COL27A1: variants seen among roughly 807,000 people sequenced by gnomAD.
The protein encoded by COL27A1 is collagen type XXVII alpha 1 chain.
In COL27A1, 106 loss-of-function variants were observed where a neutral mutation model predicts 251.3. That is an observed-to-expected ratio of 0.42 (90% confidence interval 0.36 to 0.50). The LOEUF is 0.50. Ranked by LOEUF, COL27A1 falls within the 20% of genes least tolerant of loss-of-function variation. The pLI, the probability that COL27A1 is intolerant of heterozygous loss-of-function variation, is 0.00. For synonymous variants in COL27A1, 1,000 were observed against 986.3 expected (o/e 1.01, Z -0.26); for missense variants, 2,325 against 2,522.8 (o/e 0.92, Z 1.68).
chr9:114,274,231 A>G (rs552345302), intron 36 of COL27A1: 1 of 129,170 alleles, frequency 7.7e-6, no homozygotes, highest in East Asian at 2.1e-4. Flanking sequence ...AGATCCGTCT[A>G]AAAAAAAAAA....
chr9:114,250,566 G>A (rs1290225004), intron 24 of COL27A1, 49 bp from the exon 25 acceptor site: 2 of 1,564,758 alleles, frequency 1.3e-6, no homozygotes, highest in Admixed American at 3.3e-5. Flanking sequence ...GGAGGGCTGG[G>A]TCCCCGGATT....
intron 1 of COL27A1, among the ~76,000 whole-genome samples, chr9:114,157,636 T>A (rs1420642275): frequency 6.6e-6 from 1 of 152,236 alleles, no homozygotes; most frequent in Non-Finnish European, 1.5e-5. Flanking sequence ...GATACCCACA[T>A]GCCTGGCTTG....
intron 54 of COL27A1, 39 bp from the exon 55 acceptor site, chr9:114,301,643 T>G (rs762836735): frequency 1.3e-6 from 2 of 1,583,568 alleles, no homozygotes; most frequent in Admixed American, 3.6e-5. Context: ...ATGAAGACCC[T>G]GTGGACCAGG....
intron 14 of COL27A1, among the ~76,000 whole-genome samples, chr9:114,225,257 C>T (rs1456723311): frequency 2.6e-5 from 4 of 152,216 alleles, no homozygotes; most frequent in Non-Finnish European, 5.9e-5. Flanking sequence ...TAGTCCAGGG[C>T]ACTCCTCTTT....
chr9:114,206,529 G>A (rs1225700567), intron 10 of COL27A1, among the ~76,000 whole-genome samples: 1 of 152,216 alleles, frequency 6.6e-6, no homozygotes, highest in Non-Finnish European at 1.5e-5. Context: ...CTCTGCTGGG[G>A]GTTTGGCCAC....
chr9:114,242,106 C>T (rs1179850544), intron 21 of COL27A1, 81 bp from the exon 22 acceptor site: 18 of 1,260,744 alleles, frequency 1.4e-5, no homozygotes, highest in Non-Finnish European at 1.6e-5. Flanking sequence ...CATCCCTTTC[C>T]CTCCATACAG....
chr9:114,294,082 C>CAA (rs57583693), intron 49 of COL27A1, among the ~76,000 whole-genome samples: 42 of 136,832 alleles, frequency 3.1e-4, no homozygotes, highest in African/African-American at 9.9e-4. Flanking sequence ...ACTAACAATA[C>CAA]AAAAAAAAAA....
At chr9:114,197,804 C>CA (rs1829260086) in intron 7 of COL27A1, among the ~76,000 whole-genome samples, 19 of 152,250 alleles carry the variant, frequency 1.2e-4, no homozygotes, top group African/African-American at 3.6e-4. Context: ...CCCCTCTGGC[C>CA]CTGGCCTAGA....
chr9:114,188,167 G>A (rs1441450219), intron 5 of COL27A1, among the ~76,000 whole-genome samples: 1 of 152,246 alleles, frequency 6.6e-6, no homozygotes, highest in Non-Finnish European at 1.5e-5. Flanking sequence ...ACGGTTCAGA[G>A]GCAATTCTGC....
Position 114,264,491 on chromosome 9 carries a change from C to T in COL27A1, c.3249+83C>T, listed in dbSNP as rs1020567881. On this transcript the variant is annotated intron_variant, in intron 29 of 60. Coordinates refer to ENST00000356083, the MANE Select transcript of COL27A1 (RefSeq NM_032888.4). ...GAACAAGGCTCACAGCTCCTCAGAACAATGCCCCTTAGGGACAACAAAGGG... is the reference window on the plus strand; with the variant it reads ...GAACAAGGCTCACAGCTCCTCAGAATAATGCCCCTTAGGGACAACAAAGGG... The T allele has an allele frequency of 1.1e-5, 12 of 1,141,650 alleles. No homozygotes were observed. The African/African-American group carries it at 1.4e-4, about 13-fold the overall frequency. The allele number at this position is 1,141,650 out of a possible 1,614,324, so 70.7% of individuals were successfully genotyped here. A position where few individuals can be genotyped will look rare whatever the true frequency, so the allele number is the denominator to read the frequency against.
chr9:114,281,334 C>A (rs1034047764), intron 37 of COL27A1, among the ~76,000 whole-genome samples: 1 of 152,268 alleles, frequency 6.6e-6, no homozygotes, highest in Admixed American at 6.5e-5. Context: ...GTCACATTCA[C>A]ACTTGCACAC....
At chr9:114,266,474 TGG>T in intron 32 of COL27A1, 89 bp from the exon 33 acceptor site, 1 of 1,093,280 alleles carries the variant, frequency 9.1e-7, no homozygotes, top group Non-Finnish European at 1.4e-6. Flanking sequence ...TCCCCAGTTC[TGG>T]GGGTCAGCTC....
At chr9:114,286,924 A>G (rs1284342746) in intron 41 of COL27A1, among the ~76,000 whole-genome samples, 1 of 152,108 alleles carries the variant, frequency 6.6e-6, no homozygotes, top group Admixed American at 6.5e-5. Flanking sequence ...TACTGTGCAG[A>G]TCGGATGAAA....
At position 114,264,254 on chromosome 9, in the gene COL27A1, G is replaced by T; in HGVS notation, c.3196-101G>T. ...GGAGGAGGAGGGGGCCGGAGCTTGTGCAGGGGAAGGCCCCAGGCTTGGAGC... is the reference window on the plus strand; with the variant it reads ...GGAGGAGGAGGGGGCCGGAGCTTGTTCAGGGGAAGGCCCCAGGCTTGGAGC... On this transcript the variant is annotated intron_variant, in intron 28 of 60. Transcript: ENST00000356083. 3.4e-6 allele frequency: 3 copies of T among 876,618 alleles called. No individual in the cohort carries two copies. The South Asian group carries it at 6.6e-5, about 19-fold the overall frequency. 54.3% of individuals were successfully genotyped at this position (876,618 alleles called of 1,614,324 possible). A position where few individuals can be genotyped will look rare whatever the true frequency, so the allele number is the denominator to read the frequency against.
intron 3 of COL27A1, among the ~76,000 whole-genome samples, chr9:114,176,992 G>T (rs1336168491): frequency 6.6e-6 from 1 of 152,206 alleles, no homozygotes. Flanking sequence ...TCTCATTGAT[G>T]GTTATTTGAA....
intron 49 of COL27A1, among the ~76,000 whole-genome samples, chr9:114,299,172 G>T (rs1337577056): frequency 6.6e-6 from 1 of 152,162 alleles, no homozygotes; most frequent in Non-Finnish European, 1.5e-5. Context: ...TGACCTGCCT[G>T]GTCTCATTGC....
chr9:114,246,839 C>T (rs1308398314), intron 24 of COL27A1, among the ~76,000 whole-genome samples: 1 of 151,462 alleles, frequency 6.6e-6, no homozygotes, highest in Admixed American at 6.6e-5. Flanking sequence ...TTTGGAGAGG[C>T]TGCCGCGGCC....
chr9:114,162,818 C>T (rs757840693), intron 2 of COL27A1, 33 bp downstream of exon 2: 14 of 1,538,990 alleles, frequency 9.1e-6, no homozygotes, highest in Admixed American at 3.4e-5. Flanking sequence ...CAGGGGGAGA[C>T]AAAGGAGAAC....
chr9:114,284,894 TCACCCCCTG>T, intron 41 of COL27A1, 117 bp downstream of exon 41: 1 of 1,112,040 alleles, frequency 9.0e-7, no homozygotes, highest in South Asian at 1.3e-5. Flanking sequence ...CTGTGGGGGC[TCACCCCCTG>T]CAGCAGCCGA....
Sources: gnomAD v4.1 joint callset for allele counts (sites outside exome capture counted in the v4.1 genomes callset) on GRCh38, gnomAD v4.1.1 for gene constraint, MANE v1.5 for transcripts, NCBI Gene and HGNC (gene_info 2026-07-23, HGNC 2026-07-21) for gene names.